HMG20A: variants seen among roughly 807,000 people sequenced by gnomAD.
The protein encoded by HMG20A is high mobility group protein 20A.
Under a neutral mutation model 43.9 loss-of-function variants are expected in HMG20A, and 17 were observed. The ratio of observed to expected loss-of-function variants is 0.39; its 90% confidence interval spans 0.27 to 0.58. The LOEUF is 0.58. Ranked by LOEUF, HMG20A falls within the 20% of genes least tolerant of loss-of-function variation. The pLI is 0.59. For missense variants in HMG20A, 341 were observed against 438.2 expected (o/e 0.78, Z 1.98); for synonymous variants, 132 against 147.5 (o/e 0.89, Z 0.76).
At chr15:77,435,590 A>T (rs1185114287) in intron 1 of HMG20A, among the ~76,000 whole-genome samples, 1 of 152,076 alleles carries the variant, frequency 6.6e-6, no homozygotes, top group Non-Finnish European at 1.5e-5. Flanking sequence ...CACTGCACCC[A>T]GCCATTTGTT....
At chr15:77,464,490 T>C in intron 3 of HMG20A, 103 bp downstream of exon 3, 1 of 1,204,716 alleles carries the variant, frequency 8.3e-7, no homozygotes. Context: ...CTTCTTATAT[T>C]CTTAGGCTGA....
rs1402491680 is a variant in HMG20A, at chr15:77,483,228, C to T, written c.*265C>T. ...CTCTCCCGGGTCTTCAGGTTCCTAC[C>T]ATTTCCATTTCTGTTAAAGTGGATC... On this transcript the variant is annotated 3_prime_UTR_variant, in exon 10 of 10. Transcript: ENST00000336216. The T allele has an allele frequency of 6.6e-6, 1 of 152,174 alleles. No homozygotes were observed. The highest frequency in any genetic ancestry group is 1.5e-5 in the Non-Finnish European group (1 of 68,046). 9.4% of individuals were successfully genotyped at this position (152,174 alleles called of 1,614,324 possible).
chr15:77,496,290 G>A, the HMG20A span, among the ~76,000 whole-genome samples: 5 of 152,166 alleles, frequency 3.3e-5, no homozygotes, highest in African/African-American at 1.2e-4. Context: ...CACCATATTA[G>A]ACTGATGTGT....
intron 6 of HMG20A, among the ~76,000 whole-genome samples, chr15:77,474,214 T>C (rs6495240): frequency 0.63 from 95,081 of 151,842 alleles, 30,418 homozygotes; most frequent in Non-Finnish European, 0.71. Context: ...TAAAATGGCT[T>C]GAGCAGAGGT....
chr15:77,440,977 C>T (rs1003423035), intron 1 of HMG20A, among the ~76,000 whole-genome samples: 3 of 152,092 alleles, frequency 2.0e-5, no homozygotes, highest in Non-Finnish European at 4.4e-5. Context: ...ACACGTATAG[C>T]TCTTAAAATA....
At chr15:77,464,487 T>G in intron 3 of HMG20A, 100 bp downstream of exon 3, 2 of 1,257,216 alleles carry the variant, frequency 1.6e-6, no homozygotes, top group Non-Finnish European at 2.2e-6. Context: ...GACCTTCTTA[T>G]ATTCTTAGGC....
At chr15:77,514,470 T>C in the HMG20A span, among the ~76,000 whole-genome samples, 2 of 152,218 alleles carry the variant, frequency 1.3e-5, no homozygotes, top group African/African-American at 4.8e-5. Context: ...TTTGCATATA[T>C]AAAAATCATT....
At chr15:77,502,798 T>C in the HMG20A span, among the ~76,000 whole-genome samples, 1 of 151,898 alleles carries the variant, frequency 6.6e-6, no homozygotes. Context: ...TGAGACCCTG[T>C]CTCTACAAAA....
At chr15:77,514,302 C>A in the HMG20A span, among the ~76,000 whole-genome samples, 10 of 152,106 alleles carry the variant, frequency 6.6e-5, no homozygotes, top group Non-Finnish European at 1.3e-4. Flanking sequence ...ATAATCCAGG[C>A]ACAAAAGAAC....
chr15:77,512,579 A>C, the HMG20A span, among the ~76,000 whole-genome samples: 5 of 152,188 alleles, frequency 3.3e-5, 1 homozygote, highest in South Asian at 8.3e-4. Context: ...AATAGGGAGA[A>C]GAGAAACTCT....
intron 6 of HMG20A, among the ~76,000 whole-genome samples, chr15:77,476,741 C>G (rs1003050556): frequency 1.6e-4 from 24 of 152,230 alleles, no homozygotes; most frequent in African/African-American, 5.3e-4. Context: ...ATTCACAATG[C>G]TTTCAACTTC....
intron 1 of HMG20A, among the ~76,000 whole-genome samples, chr15:77,451,738 G>GA (rs749224633): frequency 6.6e-6 from 1 of 152,004 alleles, no homozygotes; most frequent in Non-Finnish European, 1.5e-5. Flanking sequence ...GAAGTACCAA[G>GA]AAAAAAACAG....
intron 3 of HMG20A, among the ~76,000 whole-genome samples, chr15:77,466,565 T>G (rs1225227448): frequency 6.6e-6 from 1 of 152,198 alleles, no homozygotes; most frequent in Admixed American, 6.5e-5. Context: ...TCTTTGAAAG[T>G]TATCAATGAG....
chr15:77,513,977 G>T, the HMG20A span, among the ~76,000 whole-genome samples: 2 of 152,118 alleles, frequency 1.3e-5, no homozygotes, highest in Non-Finnish European at 2.9e-5. Flanking sequence ...GCCCACCTCG[G>T]CCTCCCAAAG....
intron 6 of HMG20A, among the ~76,000 whole-genome samples, chr15:77,475,859 G>A (rs2072849889): frequency 6.6e-6 from 1 of 152,170 alleles, no homozygotes; most frequent in Admixed American, 6.5e-5. Context: ...AAATCCCCTA[G>A]GAACTGGCTC....
intron 1 of HMG20A, among the ~76,000 whole-genome samples, chr15:77,439,241 T>A (rs2073583991): frequency 6.6e-6 from 1 of 152,240 alleles, no homozygotes; most frequent in Non-Finnish European, 1.5e-5. Flanking sequence ...GACCTTCTAA[T>A]CTTGGAATTC....
the HMG20A span, among the ~76,000 whole-genome samples, chr15:77,508,721 G>A: frequency 6.6e-6 from 1 of 152,234 alleles, no homozygotes; most frequent in African/African-American, 2.4e-5. Context: ...GCAAAGCAGG[G>A]CACGCCCCAA....
chr15:77,424,315 G>A (rs1329163492), intron 1 of HMG20A, among the ~76,000 whole-genome samples: 1 of 152,072 alleles, frequency 6.6e-6, no homozygotes, highest in Non-Finnish European at 1.5e-5. Flanking sequence ...CTTTTGTATT[G>A]TGAAAACAAA....
rs767735573 is a variant in HMG20A at position 77,478,371 on chromosome 15, C to T, written c.768C>T (p.His256=). The T allele has an allele frequency of 2.6e-5, 42 of 1,613,506 alleles. No homozygotes were observed. The highest frequency in any genetic ancestry group is 1.7e-4 in the Admixed American group (10 of 59,996). ...FEERNAALQK[H]VESMRTAVEK... ...AGAGGAATGCAGCCCTGCAAAAGCACGTGGAGAGCATGCGCACAGCAGTGG... is the reference window on the plus strand; with the variant it reads ...AGAGGAATGCAGCCCTGCAAAAGCATGTGGAGAGCATGCGCACAGCAGTGG... The change falls in exon 8 of 10, where the codon CAC becomes CAT. Residue 256 remains histidine, a synonymous_variant. Transcript: ENST00000336216.
Sources: gnomAD v4.1 joint callset for allele counts (sites outside exome capture counted in the v4.1 genomes callset) on GRCh38, gnomAD v4.1.1 for gene constraint, MANE v1.5 for transcripts, NCBI Gene and HGNC (gene_info 2026-07-23, HGNC 2026-07-21) for gene names.